The following ABHD4 variants were observed in gnomAD, a reference collection of about 807,000 sequenced individuals.
The protein encoded by ABHD4 is (Lyso)-N-acylphosphatidylethanolamine lipase.
Under a neutral mutation model 42.3 loss-of-function variants are expected in ABHD4, and 35 were observed. That is an observed-to-expected ratio of 0.83 (90% confidence interval 0.63 to 1.10). ABHD4 has a LOEUF of 1.10. Ranked by LOEUF, ABHD4 falls within the 50% of genes least tolerant of loss-of-function variation. The pLI is 0.00. For missense variants in ABHD4, 389 were observed against 454.8 expected (o/e 0.86, Z 1.32); for synonymous variants, 169 against 170.6 (o/e 0.99, Z 0.07).
At chr14:22,600,831 G>GGGGTGT (rs1425183297) in intron 1 of ABHD4, among the ~76,000 whole-genome samples, 12 of 65,220 alleles carry the variant, frequency 1.8e-4, no homozygotes, top group East Asian at 6.2e-4. Context: ...CCAGCAGGGG[G>GGGGTGT]GTGTGTGTGT....
rs761448669 is a variant in ABHD4, at chr14:22,606,528, T to C, written c.747T>C (p.Asn249=). The change falls in exon 5 of 7, where the codon AAT becomes AAC. Residue 249 remains asparagine (N), a synonymous_variant. Transcript: ENST00000428304. Reference sequence around the variant, plus strand: ...ATATTTACCACTGCAACGCACAGAATCCCAGGTGAGGGCCGCTCCCCAGGC... The same window carrying C: ...ATATTTACCACTGCAACGCACAGAACCCCAGGTGAGGGCCGCTCCCCAGGC... ...SEYIYHCNAQ[N]PSGETAFKAM... 2 of 1,610,854 alleles carry C rather than the reference T, an allele frequency of 1.2e-6. No homozygotes were observed. Among genetic ancestry groups the C allele is most frequent in the Non-Finnish European group, 1.7e-6 (2 of 1,178,132 alleles).
At chr14:22,605,110 C>A (rs1327620254) in intron 4 of ABHD4, among the ~76,000 whole-genome samples, 2 of 152,174 alleles carry the variant, frequency 1.3e-5, no homozygotes, top group African/African-American at 4.8e-5. Context: ...TGTCACCTAG[C>A]ACTTGGTAGC....
At chr14:22,599,453 T>C (rs978597477) in intron 1 of ABHD4, among the ~76,000 whole-genome samples, 1 of 152,230 alleles carries the variant, frequency 6.6e-6, no homozygotes, top group African/African-American at 2.4e-5. Context: ...GAGACCGTCC[T>C]AGCCAGGTTA....
At position 22,606,445 on chromosome 14, in the gene ABHD4, C is replaced by T. The variant is rs1017852132; in HGVS notation, c.664C>T (p.Arg222Trp). Reference protein sequence around the residue: ...PWGPGLVQRFRPDFKRKFADF... With the variant: ...PWGPGLVQRFWPDFKRKFADF... ...AGGGCCTGGTCTGGTGCAGCGATTC[C>T]GGCCGGACTTCAAACGCAAGTTTGC... is the stretch of plus-strand genomic sequence containing the variant. The change falls in exon 5 of 7, where the codon CGG (arginine) becomes TGG (tryptophan). Residue 222 changes from arginine to tryptophan, a missense_variant. Transcript: ENST00000428304. 4.3e-6 allele frequency: 7 copies of T among 1,612,932 alleles called. No homozygotes were observed. Among genetic ancestry groups the T allele is most frequent in the South Asian group, 1.1e-5 (1 of 90,612 alleles).
chr14:22,606,153 T>A (rs2037346492), intron 4 of ABHD4, among the ~76,000 whole-genome samples: 1 of 152,168 alleles, frequency 6.6e-6, no homozygotes, highest in Non-Finnish European at 1.5e-5. Flanking sequence ...ATCTCGGGGC[T>A]TCATTGAGCT....
chr14:22,609,703 T>C, intron 5 of ABHD4, 21 bp from the exon 6 acceptor site: 2 of 1,610,290 alleles, frequency 1.2e-6, no homozygotes, highest in East Asian at 4.5e-5. Flanking sequence ...GTGAAGTTTA[T>C]TGCTGTTTTG....
intron 1 of ABHD4, chr14:22,598,557 A>T: frequency 7.7e-7 from 1 of 1,299,752 alleles, no homozygotes; most frequent in Non-Finnish European, 1.1e-6. Context: ...CAGCCCGGGG[A>T]TCCTGGCTTT....
intron 4 of ABHD4, among the ~76,000 whole-genome samples, chr14:22,605,205 C>A (rs1310785072): frequency 2.0e-5 from 3 of 152,174 alleles, no homozygotes; most frequent in African/African-American, 7.2e-5. Context: ...TCAATATCTC[C>A]AGCCTTCTGA....
Position 22,611,232 on chromosome 14 carries a change from G to T in ABHD4, c.*284G>T, listed in dbSNP as rs1023395078. ...CTTGCCAAGTGTTACCCAGATGGTG[G>T]AGGATGTGAAGGGATTGCACCAAGC... On this transcript the variant is annotated 3_prime_UTR_variant, in exon 7 of 7. Coordinates refer to ENST00000428304, the MANE Select transcript of ABHD4 (RefSeq NM_022060.3). The T allele has an allele frequency of 7.3e-6, 3 of 408,674 alleles. No homozygotes were observed. Among genetic ancestry groups the T allele is most frequent in the Non-Finnish European group, 1.4e-5 (3 of 218,344 alleles). The allele number at this position is 408,674 out of a possible 1,614,324, so 25.3% of individuals were successfully genotyped here.
intron 4 of ABHD4, chr14:22,605,787 AG>A (rs2037342473): frequency 7.8e-7 from 1 of 1,287,578 alleles, no homozygotes; most frequent in African/African-American, 1.5e-5. Flanking sequence ...TCATAAACAG[AG>A]AGAAGACCAG....
In ABHD4 at chr14:22,609,833, G is replaced by T. The variant is rs765542503; in HGVS notation, c.862G>T (p.Gly288Trp). 1 of 1,614,110 alleles carries T rather than the reference G, an allele frequency of 6.2e-7. No homozygotes were observed. Among genetic ancestry groups the T allele is most frequent in the Admixed American group, 1.7e-5 (1 of 59,994 alleles). ...AGATGTGCCTATCACTATGATCTAC[G>T]GGTCCGACACCTGGATAGATACCAG... ...RKDVPITMIYGSDTWIDTSTG... is the reference protein window; with the variant it reads ...RKDVPITMIYWSDTWIDTSTG... The change falls in exon 6 of 7, where the codon GGG (glycine) becomes TGG (tryptophan). Residue 288 changes from glycine to tryptophan, a missense_variant. Transcript: ENST00000428304.
rs532034862 is a variant in ABHD4 at position 22,603,673 on chromosome 14, G to A, written c.396G>A (p.Arg132=). 5.2e-5 allele frequency: 84 copies of A among 1,613,326 alleles called. No homozygotes were observed. The East Asian group carries it at 1.2e-3, about 23-fold the overall frequency. The part of the protein sequence containing the change: ...DEFVTSIETW[R]ETMGIPSMIL... ...TTGTGACATCGATAGAGACATGGCG[G>A]GAGACCATGGGGATCCCCAGCATGA... Residue 132 remains arginine, a synonymous_variant, in exon 3 of 7, where the codon CGG becomes CGA. Coordinates refer to ENST00000428304, the MANE Select transcript of ABHD4 (RefSeq NM_022060.3).
intron 4 of ABHD4, among the ~76,000 whole-genome samples, chr14:22,604,903 C>G (rs1042271807): frequency 9.9e-5 from 15 of 152,214 alleles, no homozygotes; most frequent in African/African-American, 3.6e-4. Flanking sequence ...AGCCACCACA[C>G]CCAATCTGTG....
chr14:22,601,666 G>C lies in ABHD4; in HGVS notation c.24-1G>C. The C allele has an allele frequency of 6.2e-7, 1 of 1,614,046 alleles. No individual in the cohort carries two copies. The highest frequency in any genetic ancestry group is 8.5e-7 in the Non-Finnish European group (1 of 1,179,908). ...TGAGTGTCTCTGTCTCCTCCTCCCAGGTCTCAAGGCTGGCTGAGTAGCTGG... is the reference window on the plus strand; with the variant it reads ...TGAGTGTCTCTGTCTCCTCCTCCCACGTCTCAAGGCTGGCTGAGTAGCTGG... On this transcript the variant is annotated splice_acceptor_variant, in intron 1 of 6. Coordinates refer to ENST00000428304, the MANE Select transcript of ABHD4 (RefSeq NM_022060.3). LOFTEE classifies it high-confidence loss of function.
chr14:22,601,797 C>T (rs771961322), intron 2 of ABHD4, 42 bp downstream of exon 2: 1 of 1,565,518 alleles, frequency 6.4e-7, no homozygotes. Context: ...CTCATGGAGC[C>T]CAAGAAGGAT....
chr14:22,610,475 G>A (rs986137689), intron 6 of ABHD4, among the ~76,000 whole-genome samples: 3 of 152,156 alleles, frequency 2.0e-5, no homozygotes, highest in Admixed American at 6.5e-5. Context: ...AGAGTGAATA[G>A]TAGAGGCTGC....
chr14:22,606,350 CAT>C (rs2037349220), intron 4 of ABHD4, 70 bp from the exon 5 acceptor site: 9 of 996,682 alleles, frequency 9.0e-6, no homozygotes, highest in Non-Finnish European at 1.4e-5. Flanking sequence ...GTTCTCAAAA[CAT>C]ACACAGGCAG....
intron 1 of ABHD4, 146 bp downstream of exon 1, chr14:22,598,475 G>A (rs888996618): frequency 6.5e-7 from 1 of 1,536,818 alleles, no homozygotes; most frequent in Non-Finnish European, 8.7e-7. Flanking sequence ...GGGTGGGTGC[G>A]TTGCTTGCTT....
At chr14:22,598,548 A>T in intron 1 of ABHD4, 1 of 1,370,802 alleles carries the variant, frequency 7.3e-7, no homozygotes, top group Non-Finnish European at 1.0e-6. Context: ...GCTCGCCCGC[A>T]GCCCGGGGAT....
Sources: allele counts gnomAD v4.1 joint callset (sites outside exome capture counted in the v4.1 genomes callset), GRCh38; gene constraint gnomAD v4.1.1; transcripts MANE v1.5; gene names NCBI Gene and HGNC (gene_info 2026-07-23, HGNC 2026-07-21).